PCDHA6: variants seen among roughly 807,000 people sequenced by gnomAD.
The protein encoded by PCDHA6 is protocadherin alpha-6.
A neutral mutation model predicts 60.3 loss-of-function variants in PCDHA6; 55 were observed. That is an observed-to-expected ratio of 0.91 (90% confidence interval 0.73 to 1.14). The LOEUF is 1.14. Ranked by LOEUF, PCDHA6 falls within the 50% of genes most tolerant of loss-of-function variation. PCDHA6 has a pLI of 0.00. For missense variants in PCDHA6, 1,327 were observed against 1,256.5 expected, an observed-to-expected ratio of 1.06 and a Z score of -0.85; for synonymous variants, 652 against 557.9, an observed-to-expected ratio of 1.17 and a Z score of -2.38.
chr5:140,927,099 T>C (rs782352775), intron 1 of PCDHA6: 1 of 1,613,434 alleles, frequency 6.2e-7, no homozygotes, highest in Non-Finnish European at 8.5e-7. Context: ...TCGGGGTGGA[T>C]CTACCCAGCG....
chr5:140,871,218 G>C, intron 1 of PCDHA6: 19 of 1,613,884 alleles, frequency 1.2e-5, no homozygotes, highest in Non-Finnish European at 1.6e-5. Context: ...CCATCTGCGT[G>C]GTGTCCAGCC....
intron 1 of PCDHA6, among the ~76,000 whole-genome samples, chr5:140,969,881 G>C (rs1554232131): frequency 6.6e-6 from 1 of 152,196 alleles, no homozygotes; most frequent in African/African-American, 2.4e-5. Flanking sequence ...CTATGTGATA[G>C]GATCCTCTGG....
intron 1 of PCDHA6, among the ~76,000 whole-genome samples, chr5:140,891,690 C>T (rs12518591): frequency 0.01 from 1,559 of 152,280 alleles, 92 homozygotes; most frequent in Admixed American, 0.092. Context: ...TCTCTTCTTG[C>T]TGTTGTCTGA....
chr5:141,001,913 C>T (rs545106723), intron 3 of PCDHA6, among the ~76,000 whole-genome samples: 2 of 152,296 alleles, frequency 1.3e-5, no homozygotes, highest in South Asian at 2.1e-4. Flanking sequence ...AAAAAGACTG[C>T]AGTGGCTGAC....
intron 1 of PCDHA6, chr5:140,867,389 A>T (rs906088628): frequency 6.6e-5 from 10 of 152,166 alleles, no homozygotes; most frequent in Non-Finnish European, 1.2e-4. Context: ...TAACGGTTAT[A>T]AAAGTTGATA....
At chr5:140,882,713 G>T (rs1554175318) in intron 1 of PCDHA6, 6 of 1,614,198 alleles carry the variant, frequency 3.7e-6, no homozygotes, top group African/African-American at 1.3e-5. Context: ...TAGACCTCCG[G>T]AAACTCGATT....
chr5:140,869,943 C>T (rs781893563), intron 1 of PCDHA6: 10 of 1,612,248 alleles, frequency 6.2e-6, no homozygotes, highest in Non-Finnish European at 7.6e-6. Context: ...TAACATACTC[C>T]TTAATGTCAA....
rs1199685974 is a variant in PCDHA6 at position 140,838,075 on chromosome 5, ATAGTGTGTGTGTGTGTGTGTGTGTGT to A, written c.2394+7591_2394+7616del. 9.4e-5 allele frequency among the ~76,000 whole-genome samples: 12 copies of A among 128,240 alleles called. 1 individual carries two copies. The highest frequency in any genetic ancestry group is 6.9e-4 in the East Asian group (3 of 4,320). The allele number at this position is 128,240 out of a possible 152,430, so 84.1% of individuals were successfully genotyped here. ...GTTTTCCACTTTAAGTTATATATAT[ATAGTGTGTGTGTGTGTGTGTGTGTGT>A]GTGTGTGTGTGTGTGTGTGTGTGTG... On this transcript the variant is annotated intron_variant, in intron 1 of 3. Transcript: ENST00000529310.
chr5:140,891,230 T>G (rs1192105465), intron 1 of PCDHA6, among the ~76,000 whole-genome samples: 1 of 152,232 alleles, frequency 6.6e-6, no homozygotes, highest in Non-Finnish European at 1.5e-5. Flanking sequence ...AATCATCCTG[T>G]TCTGGATTCA....
chr5:140,854,797 A>G (rs1299295498), intron 1 of PCDHA6: 1 of 149,772 alleles, frequency 6.7e-6, no homozygotes, highest in African/African-American at 2.4e-5. Context: ...TGAGAGAGAA[A>G]AAAATATTTT....
Position 140,857,922 on chromosome 5 carries a change from T to C in PCDHA6, c.2394+27437T>C, listed in dbSNP as rs782519535. On this transcript the variant is annotated intron_variant, in intron 1 of 3. Coordinates refer to ENST00000529310, the MANE Select transcript of PCDHA6 (RefSeq NM_018909.4). Reference sequence around the variant, plus strand: ...GCACGCATCCCGTTTCGCGTGGGGCTGTACACGGGCGAGATCAGTACGACG... The same window carrying C: ...GCACGCATCCCGTTTCGCGTGGGGCCGTACACGGGCGAGATCAGTACGACG... The C allele has an allele frequency of 1.9e-6, 3 of 1,597,722 alleles. No homozygotes were observed. The South Asian group carries it at 3.3e-5, about 18-fold the overall frequency.
At chr5:140,851,008 T>C in intron 1 of PCDHA6, 2 of 1,437,046 alleles carry the variant, frequency 1.4e-6, no homozygotes, top group East Asian at 4.8e-5. Flanking sequence ...CAGCAGATTT[T>C]TTTTCTGATA....
At chr5:140,905,878 C>T (rs1187937436) in intron 1 of PCDHA6, among the ~76,000 whole-genome samples, 2 of 152,054 alleles carry the variant, frequency 1.3e-5, no homozygotes, top group African/African-American at 2.4e-5. Flanking sequence ...CAAGGCCCAA[C>T]AATAGGCCAT....
chr5:140,926,713 C>T (rs1018008271), intron 1 of PCDHA6: 2 of 944,684 alleles, frequency 2.1e-6, no homozygotes, highest in Non-Finnish European at 2.9e-6. Context: ...CTGGCCAGCC[C>T]CGGCAATGCC....
chr5:140,982,689 T>A, intron 3 of PCDHA6, 126 bp downstream of exon 3: 1 of 1,413,688 alleles, frequency 7.1e-7, no homozygotes, highest in Non-Finnish European at 9.3e-7. Context: ...CTTTTTTCCA[T>A]ACATACATGA....
At chr5:140,881,373 AGCCG>A in intron 1 of PCDHA6, 2 of 985,074 alleles carry the variant, frequency 2.0e-6, no homozygotes, top group Non-Finnish European at 2.4e-6. Flanking sequence ...TATGAATTGC[AGCCG>A]GCGGCGGTAA....
intron 1 of PCDHA6, chr5:140,853,297 G>A: frequency 2.0e-6 from 2 of 981,768 alleles, no homozygotes; most frequent in African/African-American, 3.5e-5. Context: ...TCTCAGAAGG[G>A]CTGTGAACAC....
intron 1 of PCDHA6, among the ~76,000 whole-genome samples, chr5:140,915,100 CACA>C (rs2076984171): frequency 6.6e-6 from 1 of 151,988 alleles, no homozygotes; most frequent in African/African-American, 2.4e-5. Context: ...CACGCACCAC[CACA>C]ACACCCACCT....
At chr5:140,841,353 C>A (rs1777171223) in intron 1 of PCDHA6, 2 of 1,612,606 alleles carry the variant, frequency 1.2e-6, no homozygotes, top group African/African-American at 2.7e-5. Context: ...GAGCTGGGAT[C>A]CTGGCGACTA....
Sources: allele counts gnomAD v4.1 joint callset (sites outside exome capture counted in the v4.1 genomes callset), GRCh38; gene constraint gnomAD v4.1.1; transcripts MANE v1.5; gene names NCBI Gene and HGNC (gene_info 2026-07-23, HGNC 2026-07-21).